The following FHIT variants were observed in gnomAD, a reference collection of about 807,000 sequenced individuals.
FHIT encodes the protein fragile histidine triad diadenosine triphosphatase.
FHIT carries 19 observed loss-of-function variants against 17.9 expected under a neutral mutation model. The ratio of observed to expected loss-of-function variants is 1.06; its 90% CI spans 0.74 to 1.56. FHIT has a LOEUF of 1.56. FHIT is among the 40% of genes most tolerant of loss of function. The pLI is 0.00. For missense variants in FHIT, 248 were observed against 189.2 expected, an observed-to-expected ratio of 1.31 and a Z score of -1.82; for synonymous variants, 81 against 69.7, an observed-to-expected ratio of 1.16 and a Z score of -0.81.
At chr3:60,802,174 C>G (rs189075864) in intron 4 of FHIT, among the ~76,000 whole-genome samples, 2 of 152,266 alleles carry the variant, frequency 1.3e-5, no homozygotes, top group East Asian at 3.9e-4. Context: ...TTGGCATATT[C>G]TAGACCAGAG....
Position 61,239,853 on chromosome 3 carries a change from T to C in FHIT, c.-213+11448A>G, listed in dbSNP as rs555772592. On this transcript the variant is annotated intron_variant, in intron 1 of 9. Coordinates refer to ENST00000492590, the MANE Select transcript of FHIT (RefSeq NM_002012.4). The stretch of plus-strand genomic sequence containing the variant: ...GGCAACTTAGTAGAAGCCACAAAAA[T>C]CTGAAATCTTTTTATTTCAAGTGTA... 2.0e-5 allele frequency among the ~76,000 whole-genome samples: 3 copies of C among 148,688 alleles called. No individual in the cohort carries two copies. The East Asian group carries it at 6.1e-4, about 30-fold the overall frequency.
chr3:60,230,984 G>T (rs1704467537), intron 5 of FHIT, among the ~76,000 whole-genome samples: 1 of 152,294 alleles, frequency 6.6e-6, no homozygotes, highest in African/African-American at 2.4e-5. Context: ...GTGATTACAG[G>T]CGTGAGCCAC....
chr3:60,929,572 A>G (rs1316334377), intron 3 of FHIT, among the ~76,000 whole-genome samples: 6 of 140,088 alleles, frequency 4.3e-5, no homozygotes, highest in African/African-American at 1.0e-4. Flanking sequence ...CCAATAAAAG[A>G]CAAACAGAGC....
At chr3:61,152,939 C>G (rs879764854) in intron 2 of FHIT, among the ~76,000 whole-genome samples, 4 of 151,950 alleles carry the variant, frequency 2.6e-5, no homozygotes, top group East Asian at 3.9e-4. Context: ...ATCAGGAGAT[C>G]GAGACCATCC....
chr3:59,784,473 G>A (rs1702747376), intron 8 of FHIT, among the ~76,000 whole-genome samples: 1 of 152,196 alleles, frequency 6.6e-6, no homozygotes. Context: ...GCCATACATT[G>A]CCTTTGTTAT....
chr3:60,554,081 G>T (rs138253225), intron 4 of FHIT, among the ~76,000 whole-genome samples: 2,022 of 151,966 alleles, frequency 0.013, 48 homozygotes, highest in African/African-American at 0.046. Context: ...AACAAAGCAA[G>T]ACTTCATCTC....
At chr3:60,304,113 G>A (rs10510837) in intron 5 of FHIT, among the ~76,000 whole-genome samples, 15,946 of 152,112 alleles carry the variant, frequency 0.1, 897 homozygotes, top group Non-Finnish European at 0.12. Context: ...TCTAGAGCAT[G>A]CCTGATATAT....
chr3:59,864,427 C>A (rs1314682931), intron 8 of FHIT, among the ~76,000 whole-genome samples: 4 of 152,158 alleles, frequency 2.6e-5, no homozygotes, highest in African/African-American at 9.7e-5. Context: ...ACTCCCCAGC[C>A]ATGTGGAACT....
At chr3:60,624,895 GTT>G (rs782663413) in intron 4 of FHIT, among the ~76,000 whole-genome samples, 11 of 148,822 alleles carry the variant, frequency 7.4e-5, no homozygotes, top group African/African-American at 2.2e-4. Flanking sequence ...CTTGTTTCTA[GTT>G]TTTTTTTTTG....
chr3:60,027,150 A>C (rs1270869703), intron 5 of FHIT, among the ~76,000 whole-genome samples: 2 of 138,952 alleles, frequency 1.4e-5, no homozygotes, highest in African/African-American at 2.9e-5. Context: ...CACACACACA[A>C]AATTAGTAAA....
chr3:60,340,170 AT>A, intron 5 of FHIT, among the ~76,000 whole-genome samples: 1 of 152,292 alleles, frequency 6.6e-6, no homozygotes, highest in Middle Eastern at 3.4e-3. Context: ...TGATTGCTGT[AT>A]TTTAATGCAG....
intron 7 of FHIT, among the ~76,000 whole-genome samples, chr3:59,954,042 A>G (rs952183454): frequency 4.6e-5 from 7 of 152,160 alleles, no homozygotes; most frequent in African/African-American, 1.7e-4. Context: ...GAAGTTGGGA[A>G]ATGGCTCAAT....
intron 3 of FHIT, among the ~76,000 whole-genome samples, chr3:60,834,967 G>A (rs1702482714): frequency 6.6e-6 from 1 of 150,666 alleles, no homozygotes; most frequent in African/African-American, 2.4e-5. Flanking sequence ...TATATCATTT[G>A]TTTCCTGTTA....
chr3:61,045,553 C>A (rs1213791801), intron 2 of FHIT, among the ~76,000 whole-genome samples: 1 of 152,122 alleles, frequency 6.6e-6, no homozygotes, highest in Admixed American at 6.5e-5. Flanking sequence ...GGCTTTAATA[C>A]CCCACTGTCA....
chr3:60,549,892 T>C (rs1446548234), intron 4 of FHIT, among the ~76,000 whole-genome samples: 1 of 152,178 alleles, frequency 6.6e-6, no homozygotes, highest in African/African-American at 2.4e-5. Flanking sequence ...TAAAAAATAA[T>C]CTGCTATTTT....
chr3:59,992,301 GT>G (rs1225364788), intron 7 of FHIT, among the ~76,000 whole-genome samples: 1 of 151,976 alleles, frequency 6.6e-6, no homozygotes, highest in Non-Finnish European at 1.5e-5. Context: ...AACTTATATT[GT>G]TTTCCTGGCG....
At chr3:60,116,184 G>A (rs1559646115) in intron 5 of FHIT, among the ~76,000 whole-genome samples, 1 of 152,166 alleles carries the variant, frequency 6.6e-6, no homozygotes, top group African/African-American at 2.4e-5. Flanking sequence ...GACATTAGGA[G>A]AACTTCTGGA....
intron 8 of FHIT, among the ~76,000 whole-genome samples, chr3:59,797,144 T>C (rs1286730411): frequency 3.3e-5 from 5 of 152,078 alleles, no homozygotes; most frequent in African/African-American, 9.7e-5. Context: ...AAGTTTTCCA[T>C]GTTTAATATT....
intron 1 of FHIT, among the ~76,000 whole-genome samples, chr3:61,220,013 C>A (rs2039794777): frequency 6.6e-6 from 1 of 152,026 alleles, no homozygotes; most frequent in South Asian, 2.1e-4. Flanking sequence ...ATTCTGCAGC[C>A]CTCACCTGAC....
Sources: allele counts gnomAD v4.1 joint callset (sites outside exome capture counted in the v4.1 genomes callset), GRCh38; gene constraint gnomAD v4.1.1; transcripts MANE v1.5; gene names NCBI Gene and HGNC (gene_info 2026-07-23, HGNC 2026-07-21).